The following CATSPERB variants were observed in gnomAD, a reference collection of about 807,000 sequenced individuals.
The protein encoded by CATSPERB is catsper channel auxiliary subunit beta.
CATSPERB carries 93 observed loss-of-function variants against 128.3 expected under a neutral mutation model. The ratio of observed to expected loss-of-function variants is 0.72; its 90% CI spans 0.61 to 0.86. CATSPERB has a LOEUF of 0.86. Ranked by LOEUF, CATSPERB falls within the 40% of genes least tolerant of loss-of-function variation. The probability of loss-of-function intolerance (pLI) is 0.00; values close to 1 mark genes in which losing one functional copy is unlikely to be tolerated. For missense variants in CATSPERB, 1,153 were observed against 1,329.5 expected, an observed-to-expected ratio of 0.87 and a Z score of 2.06; for synonymous variants, 381 against 448.8, an observed-to-expected ratio of 0.85 and a Z score of 1.91.
intron 15 of CATSPERB, among the ~76,000 whole-genome samples, chr14:91,644,413 CA>C: frequency 6.7e-6 from 1 of 149,772 alleles, no homozygotes; most frequent in South Asian, 2.2e-4. Context: ...CTGGTGATGA[CA>C]AAATCTCTCA....
At chr14:91,698,436 A>G (rs1264531624) in intron 7 of CATSPERB, among the ~76,000 whole-genome samples, 1 of 152,136 alleles carries the variant, frequency 6.6e-6, no homozygotes, top group Non-Finnish European at 1.5e-5. Context: ...TGTGTTGAAT[A>G]GAAGAGGTGA....
chr14:91,710,837 A>T (rs960621573), intron 5 of CATSPERB, among the ~76,000 whole-genome samples: 17 of 151,970 alleles, frequency 1.1e-4, no homozygotes, highest in Non-Finnish European at 2.4e-4. Context: ...AACTTGAATA[A>T]TTTTTTTTAC....
chr14:91,711,997 G>T (rs1378123093), intron 5 of CATSPERB, among the ~76,000 whole-genome samples: 2 of 152,064 alleles, frequency 1.3e-5, no homozygotes, highest in African/African-American at 4.8e-5. Context: ...AGTGCTGTGG[G>T]GAATTAGAAA....
intron 22 of CATSPERB, among the ~76,000 whole-genome samples, chr14:91,603,856 G>A (rs1438363305): frequency 6.6e-6 from 1 of 152,134 alleles, no homozygotes; most frequent in Non-Finnish European, 1.5e-5. Context: ...TCATACATGA[G>A]GCCTCACCTC....
At chr14:91,594,369 C>G (rs1180264487) in intron 22 of CATSPERB, among the ~76,000 whole-genome samples, 1 of 151,818 alleles carries the variant, frequency 6.6e-6, no homozygotes, top group Non-Finnish European at 1.5e-5. Context: ...GGAGATATAC[C>G]TAATGCTAAA....
At chr14:91,597,292 T>C (rs1388669076) in intron 22 of CATSPERB, among the ~76,000 whole-genome samples, 1 of 152,200 alleles carries the variant, frequency 6.6e-6, no homozygotes, top group Non-Finnish European at 1.5e-5. Flanking sequence ...TGTAAAGTCA[T>C]TTATTTAACC....
At position 91,580,970 on chromosome 14, in the gene CATSPERB, T is replaced by C; in HGVS notation, c.3270A>G (p.Gln1090=). 3 of 1,614,210 alleles carry C rather than the reference T, an allele frequency of 1.9e-6. No individual in the cohort carries two copies. Among genetic ancestry groups the C allele is most frequent in the Non-Finnish European group, 2.5e-6 (3 of 1,180,012 alleles). The part of the protein sequence containing the change: ...LQGIHPWRTF[Q]RWIRRNQEKF... ...TCTCTTGGTTTCTTCTAATCCATCTTTGGAATGTCCTCCACGGATGGATGC... is the reference window on the plus strand; with the variant it reads ...TCTCTTGGTTTCTTCTAATCCATCTCTGGAATGTCCTCCACGGATGGATGC... Residue 1090 remains glutamine, a synonymous_variant, in exon 27 of 27, where the codon CAA becomes CAG. Coordinates refer to ENST00000256343, the MANE Select transcript of CATSPERB (RefSeq NM_024764.4).
intron 13 of CATSPERB, among the ~76,000 whole-genome samples, chr14:91,672,658 C>T (rs1895118843): frequency 6.6e-6 from 1 of 152,144 alleles, no homozygotes; most frequent in East Asian, 1.9e-4. Flanking sequence ...CATACAGCAT[C>T]ACGTTTTCCA....
At chr14:91,627,286 T>C (rs1894182758) in intron 17 of CATSPERB, among the ~76,000 whole-genome samples, 1 of 152,168 alleles carries the variant, frequency 6.6e-6, no homozygotes, top group Admixed American at 6.5e-5. Context: ...GGAGAAAATA[T>C]TTTCAAAAGA....
chr14:91,724,017 C>T (rs558222094), intron 3 of CATSPERB, among the ~76,000 whole-genome samples: 14 of 151,986 alleles, frequency 9.2e-5, no homozygotes, highest in South Asian at 2.1e-4. Flanking sequence ...GGGTTATTAG[C>T]GAATAAAAAA....
intron 22 of CATSPERB, among the ~76,000 whole-genome samples, chr14:91,600,846 TA>T (rs1192968933): frequency 3.3e-5 from 5 of 152,264 alleles, no homozygotes; most frequent in African/African-American, 1.2e-4. Flanking sequence ...GCTGCCCTGC[TA>T]TCTTCAAGAC....
In CATSPERB at chr14:91,660,002, T is replaced by C. The variant is rs189328814; in HGVS notation, c.1288-21A>G. On this transcript the variant is annotated intron_variant, in intron 14 of 26. Transcript: ENST00000256343. ...CATATCTAAAGGAATAAAGAGATAATACCTTACTAAAGGGCTGCCATGCAA... is the reference window on the plus strand; with the variant it reads ...CATATCTAAAGGAATAAAGAGATAACACCTTACTAAAGGGCTGCCATGCAA... 2.8e-5 allele frequency: 43 copies of C among 1,553,394 alleles called. No individual in the cohort carries two copies. In the Admixed American group the frequency reaches 8.1e-4, roughly 29 times the overall value.
chr14:91,720,106 T>C (rs1035545580), intron 4 of CATSPERB, among the ~76,000 whole-genome samples: 1 of 152,068 alleles, frequency 6.6e-6, no homozygotes, highest in African/African-American at 2.4e-5. Flanking sequence ...TTGCTAAACT[T>C]ACAATTCAAG....
intron 2 of CATSPERB, among the ~76,000 whole-genome samples, chr14:91,728,060 A>C (rs1896147970): frequency 6.6e-6 from 1 of 152,110 alleles, no homozygotes; most frequent in South Asian, 2.1e-4. Context: ...GCTTCTCTCT[A>C]CTTCATTTTC....
intron 5 of CATSPERB, among the ~76,000 whole-genome samples, chr14:91,716,748 CAG>C (rs1264502265): frequency 6.7e-5 from 10 of 150,320 alleles, no homozygotes; most frequent in Non-Finnish European, 1.2e-4. Flanking sequence ...CACACACACA[CAG>C]ACACACACAC....
At chr14:91,585,895 ATTAT>A (rs1300949697) in intron 26 of CATSPERB, among the ~76,000 whole-genome samples, 2 of 152,104 alleles carry the variant, frequency 1.3e-5, no homozygotes, top group Non-Finnish European at 2.9e-5. Context: ...GAAAATGCTG[ATTAT>A]TTATTTGTTT....
At chr14:91,647,404 A>C (rs1248053705) in intron 15 of CATSPERB, among the ~76,000 whole-genome samples, 1 of 152,184 alleles carries the variant, frequency 6.6e-6, no homozygotes, top group African/African-American at 2.4e-5. Context: ...GTTTGCAGGA[A>C]TTTGTAAATC....
chr14:91,636,269 C>T (rs1894371857), intron 17 of CATSPERB, 156 bp downstream of exon 17: 2 of 642,940 alleles, frequency 3.1e-6, no homozygotes, highest in South Asian at 2.2e-5. Flanking sequence ...AGGCTGGGGC[C>T]AGAGCATTGC....
chr14:91,602,009 G>A (rs1200320833), intron 22 of CATSPERB, among the ~76,000 whole-genome samples: 1 of 152,104 alleles, frequency 6.6e-6, no homozygotes, highest in Non-Finnish European at 1.5e-5. Flanking sequence ...AAAATTAAAT[G>A]TCTTAGTCAA....
Sources: gnomAD v4.1 joint callset for allele counts (sites outside exome capture counted in the v4.1 genomes callset) on GRCh38, gnomAD v4.1.1 for gene constraint, MANE v1.5 for transcripts, NCBI Gene and HGNC (gene_info 2026-07-23, HGNC 2026-07-21) for gene names.